UHMK1: variants seen among roughly 807,000 people sequenced by gnomAD.
The protein encoded by UHMK1 is U2AF homology motif kinase 1.
Under a neutral mutation model 44.0 loss-of-function variants are expected in UHMK1, and 18 were observed. That is an observed-to-expected ratio of 0.41 (90% CI 0.28 to 0.61). The LOEUF is 0.61. Ranked by LOEUF, UHMK1 falls within the 20% of genes least tolerant of loss-of-function variation. UHMK1 has a pLI of 0.31. For missense variants in UHMK1, 463 were observed against 522.5 expected, an observed-to-expected ratio of 0.89 and a Z score of 1.11; for synonymous variants, 231 against 198.5, an observed-to-expected ratio of 1.16 and a Z score of -1.38.
chr1:162,511,171 TTTTTC>T, intron 4 of UHMK1, among the ~76,000 whole-genome samples: 1 of 141,574 alleles, frequency 7.1e-6, no homozygotes, highest in East Asian at 2.1e-4. Flanking sequence ...TTGAGCTCTT[TTTTTC>T]TTTTTTCTTT....
intron 4 of UHMK1, among the ~76,000 whole-genome samples, chr1:162,512,177 C>T (rs987098956): frequency 4.0e-5 from 6 of 149,616 alleles, no homozygotes; most frequent in South Asian, 2.1e-4. Context: ...ATCATCCCAC[C>T]GATATCTTTT....
chr1:162,507,283 C>G (rs945422633), intron 4 of UHMK1, among the ~76,000 whole-genome samples: 1 of 151,998 alleles, frequency 6.6e-6, no homozygotes, highest in African/African-American at 2.4e-5. Context: ...CCATGCCTGG[C>G]TAATTTCTAT....
intron 7 of UHMK1, among the ~76,000 whole-genome samples, chr1:162,519,731 T>G (rs1169867947): frequency 6.6e-6 from 1 of 152,218 alleles, no homozygotes; most frequent in Non-Finnish European, 1.5e-5. Flanking sequence ...TTCTTGACAC[T>G]ATTGACATTG....
Position 162,498,102 on chromosome 1 carries a change from C to A in UHMK1, c.102C>A (p.Ser34=). 2 of 1,612,130 alleles carry A rather than the reference C, an allele frequency of 1.2e-6. No homozygotes were observed. The highest frequency in any genetic ancestry group is 2.2e-5 in the East Asian group (1 of 44,868). Residue 34 remains serine (S), a synonymous_variant, in exon 1 of 8, where the codon TCC becomes TCA. Transcript: ENST00000489294. The part of the protein sequence containing the change: ...QVQSRLGSGS[S]ASVYRVRCCG... ...AGAGCCGTCTGGGTAGCGGCTCCTC[C>A]GCCTCGGTGTATCGGGTTCGCTGCT... is the stretch of plus-strand genomic sequence containing the variant.
chr1:162,500,572 G>T, intron 2 of UHMK1: 1 of 402,334 alleles, frequency 2.5e-6, no homozygotes, highest in Non-Finnish European at 4.4e-6. Flanking sequence ...TTCAGTGTTG[G>T]GGCTGTATCT....
At chr1:162,521,414 A>G (rs1652054856) in intron 7 of UHMK1, among the ~76,000 whole-genome samples, 1 of 152,062 alleles carries the variant, frequency 6.6e-6, no homozygotes, top group Admixed American at 6.6e-5. Flanking sequence ...ATTAAGAATC[A>G]GGTAAAAAAA....
At chr1:162,497,229 C>A (rs1044927865), upstream of UHMK1, 2 of 700,970 alleles carry the variant, frequency 2.9e-6, no homozygotes, top group Non-Finnish European at 5.2e-6. Context: ...AGGTACCAGG[C>A]TTCCAAGAAA....
chr1:162,528,731 T>C lies in UHMK1; in HGVS notation c.*6181T>C, dbSNP rs1411360338. ...CTTTGCAGACTGTAAAGCTGCCCTA[T>C]CTTTTCCAGCAGAATTTACTCTTCC... is the stretch of plus-strand genomic sequence containing the variant. On this transcript the variant is annotated 3_prime_UTR_variant, in exon 8 of 8. Coordinates refer to ENST00000489294, the MANE Select transcript of UHMK1 (RefSeq NM_175866.5). The C allele has an allele frequency of 2.0e-5, 3 of 152,182 alleles. No individual in the cohort carries two copies. Among genetic ancestry groups the C allele is most frequent in the Non-Finnish European group, 4.4e-5 (3 of 67,986 alleles). 9.4% of individuals were successfully genotyped at this position (152,182 alleles called of 1,614,324 possible).
rs200307042 is a variant in UHMK1 at position 162,522,496 on chromosome 1, A to T, written c.1206A>T (p.Thr402=). 3.1e-6 allele frequency: 5 copies of T among 1,614,196 alleles called. No individual in the cohort carries two copies. The highest frequency in any genetic ancestry group is 4.2e-6 in the Non-Finnish European group (5 of 1,180,030). The change falls in exon 8 of 8, where the codon ACA becomes ACT. Residue 402 remains threonine, a synonymous_variant. Transcript: ENST00000489294. ...RMFDGKFVVA[T]FYPLSAYKRG... ...TTGATGGGAAGTTTGTTGTGGCTAC[A>T]TTCTACCCGCTGAGTGCCTACAAGA...
rs1388783745 is a variant in UHMK1, at chr1:162,528,303, G to A, written c.*5753G>A. ...GAAAATGGCTCCCTTACTGGTCTTA[G>A]TAATCTTCTATATAGTTAATGAGCT... On this transcript the variant is annotated 3_prime_UTR_variant, in exon 8 of 8. Coordinates refer to ENST00000489294, the MANE Select transcript of UHMK1 (RefSeq NM_175866.5). 6.6e-6 allele frequency: 1 copy of A among 151,968 alleles called. No homozygotes were observed. The highest frequency in any genetic ancestry group is 2.4e-5 in the African/African-American group (1 of 41,408). The allele number at this position is 151,968 out of a possible 1,614,324, so 9.4% of individuals were successfully genotyped here.
At chr1:162,521,823 T>A (rs1397593752) in intron 7 of UHMK1, among the ~76,000 whole-genome samples, 3 of 152,222 alleles carry the variant, frequency 2.0e-5, no homozygotes, top group African/African-American at 7.2e-5. Flanking sequence ...GAGACACGGT[T>A]TCACCGTGTT....
chr1:162,503,191 A>T (rs1651338207), intron 3 of UHMK1, among the ~76,000 whole-genome samples: 1 of 152,146 alleles, frequency 6.6e-6, no homozygotes, highest in Admixed American at 6.6e-5. Flanking sequence ...TTATGTGGTT[A>T]CTTCGGTATT....
Position 162,500,246 on chromosome 1 carries a change from A to G in UHMK1, c.560A>G (p.Gln187Arg). The stretch of plus-strand genomic sequence containing the variant: ...GGACTTAGCTTCAAAGAAGGCAATC[A>G]GGTAAGAAATAACCTTTTCTTTTCT... ...DFGLSFKEGN[Q>R]DVKYIQTDGY... The change falls in exon 2 of 8, where the codon CAG becomes CGG. Residue 187 changes from glutamine (Q) to arginine (R), a missense_variant and splice_region_variant. By Grantham distance (43) the Gln-to-Arg change is conservative. Coordinates refer to ENST00000489294, the MANE Select transcript of UHMK1 (RefSeq NM_175866.5). 6.2e-7 allele frequency: 1 copy of G among 1,608,204 alleles called. No individual in the cohort carries two copies.
chr1:162,516,840 G>A (rs1283755951), intron 6 of UHMK1, among the ~76,000 whole-genome samples: 2 of 152,166 alleles, frequency 1.3e-5, no homozygotes, highest in African/African-American at 4.8e-5. Context: ...TGACAGTGAT[G>A]AAACATTTGA....
At chr1:162,502,772 T>G (rs956593915) in intron 3 of UHMK1, among the ~76,000 whole-genome samples, 1 of 152,236 alleles carries the variant, frequency 6.6e-6, no homozygotes, top group Non-Finnish European at 1.5e-5. Flanking sequence ...GTATCTTGCC[T>G]CCACAAAGCT....
rs1324371224 is a variant in UHMK1 at position 162,498,212 on chromosome 1, A to G, written c.212A>G (p.Tyr71Cys). 2.5e-6 allele frequency: 4 copies of G among 1,611,956 alleles called. No individual in the cohort carries two copies. The highest frequency in any genetic ancestry group is 3.4e-6 in the Non-Finnish European group (4 of 1,178,622). The change falls in exon 1 of 8, where the codon TAT (tyrosine) becomes TGT (cysteine). Residue 71 changes from tyrosine (Y) to cysteine (C), a missense_variant. Physicochemically the swap from Tyr to Cys is radical, Grantham distance 194. Around this residue, in one of 3 missense-constraint regions of UHMK1, gnomAD observed 191 missense variants for 176.0 expected, o/e 1.09. Transcript: ENST00000489294. ...TTGAAASAAE[Y>C]GFRKERAALE... ...GGGGCTGCGGCCTCTGCCGCCGAGT[A>G]TGGTTTCCGCAAAGAGAGGGCGGCG...
chr1:162,517,749 G>A (rs1557946142), intron 6 of UHMK1, among the ~76,000 whole-genome samples: 1 of 152,038 alleles, frequency 6.6e-6, no homozygotes, highest in Non-Finnish European at 1.5e-5. Flanking sequence ...GCTGGGTGTG[G>A]TGGTGCACGC....
chr1:162,511,110 T>C (rs1321491236), intron 4 of UHMK1, among the ~76,000 whole-genome samples: 1 of 152,052 alleles, frequency 6.6e-6, no homozygotes, highest in Non-Finnish European at 1.5e-5. Context: ...TTTGTTCAGG[T>C]CTTTTGCCCA....
chr1:162,522,132 A>G (rs1052643097), intron 7 of UHMK1, among the ~76,000 whole-genome samples: 1 of 152,196 alleles, frequency 6.6e-6, no homozygotes, highest in African/African-American at 2.4e-5. Context: ...GATTCACACA[A>G]CTTGTCCTTG....
Sources: gnomAD v4.1 joint callset for allele counts (sites outside exome capture counted in the v4.1 genomes callset) on GRCh38, gnomAD v4.1.1 for gene constraint, gnomAD v4.1.1 regional missense constraint, MANE v1.5 for transcripts, NCBI Gene and HGNC (gene_info 2026-07-23, HGNC 2026-07-21) for gene names.